Variants in TMEM201 observed in about 807,000 individuals in gnomAD.
TMEM201 encodes the protein RP13-15M17.2.
In TMEM201, 26 loss-of-function variants were observed where a neutral mutation model predicts 63.4. The observed-to-expected ratio is 0.41, with a 90% confidence interval of 0.30 to 0.57. The LOEUF (loss-of-function observed/expected upper bound fraction) is 0.57, where lower values mean the gene tolerates loss of function less well. Among genes scored for constraint, TMEM201 ranks in the 20% least tolerant of loss-of-function variants. The pLI, the probability that TMEM201 is intolerant of heterozygous loss-of-function variation, is 0.29. For synonymous variants in TMEM201, 417 were observed against 421.6 expected (o/e 0.99, Z 0.14); for missense variants, 794 against 917.7 (o/e 0.87, Z 1.74).
chr1:9,589,118 T>G, intron 1 of TMEM201, 75 bp downstream of exon 1: 1 of 676,880 alleles, frequency 1.5e-6, no homozygotes, highest in Non-Finnish European at 1.8e-6. Flanking sequence ...CCCGGCCCGC[T>G]GCCCCCCTCG....
chr1:9,601,831 C>T (rs907838540), intron 5 of TMEM201, among the ~76,000 whole-genome samples: 2 of 152,192 alleles, frequency 1.3e-5, no homozygotes, highest in African/African-American at 4.8e-5. Flanking sequence ...TGCTCACCGA[C>T]TCGGAGGAAT....
intron 9 of TMEM201, chr1:9,611,191 T>A (rs1214817514): frequency 4.9e-6 from 3 of 609,672 alleles, no homozygotes; most frequent in Admixed American, 4.3e-5. Context: ...CATGAATTTG[T>A]AGATTTCCTT....
Position 9,609,829 on chromosome 1 carries a change from T to C in TMEM201, c.1394-11T>C. The C allele has an allele frequency of 1.9e-6, 3 of 1,551,276 alleles. No individual in the cohort carries two copies. Among genetic ancestry groups the C allele is most frequent in the Non-Finnish European group, 2.6e-6 (3 of 1,146,886 alleles). ...AGGCCTGACGTGTCGCCCGCTTCTC[T>C]CTGTCTCCAGACTCCGGCTATCTGT... On this transcript the variant is annotated splice_polypyrimidine_tract_variant and intron_variant, in intron 7 of 10. Coordinates refer to ENST00000340381, the MANE Select transcript of TMEM201 (RefSeq NM_001130924.3).
At chr1:9,597,130 A>G in intron 3 of TMEM201, 77 bp downstream of exon 3, 3 of 1,494,394 alleles carry the variant, frequency 2.0e-6, no homozygotes, top group Non-Finnish European at 2.7e-6. Flanking sequence ...AGGCACGTGC[A>G]GGGTGCTGAC....
At position 9,598,574 on chromosome 1, in the gene TMEM201, G is replaced by A. The variant is rs1326038248; in HGVS notation, c.555G>A (p.Leu185=). 4.3e-6 allele frequency: 7 copies of A among 1,613,504 alleles called. No homozygotes were observed. In the East Asian group the frequency reaches 6.7e-5, roughly 15 times the overall value. The change falls in exon 4 of 11, where the codon CTG becomes CTA. Residue 185 remains leucine (L), a synonymous_variant. Transcript: ENST00000340381. ...IKHQNRQLRA[L]LLSHQFKRRE... is the part of the protein sequence containing the mutation. ...ACCAGAACCGCCAGCTGCGCGCCCT[G>A]TTGCTCAGCCACCAGTTCAAGCGCC...
At chr1:9,595,743 G>T in intron 1 of TMEM201, 147 bp from the exon 2 acceptor site, 1 of 1,168,702 alleles carries the variant, frequency 8.6e-7, no homozygotes, top group Non-Finnish European at 1.2e-6. Context: ...TGCTGTTCTG[G>T]GGCCAGCATC....
At position 9,610,922 on chromosome 1, in the gene TMEM201, C is replaced by T; in HGVS notation, c.1765+117C>T. ...CTGACTCCGGTGTGCGCCTTCCCAC[C>T]CTGGAGCTCTAGGCACCCCATTCCG... On this transcript the variant is annotated intron_variant, in intron 9 of 10. Transcript: ENST00000340381. This position sits in a 1 kb window ranked among gnomAD's most constrained non-coding sequence, Gnocchi z 4.9. 6 of 1,490,438 alleles carry T rather than the reference C, an allele frequency of 4.0e-6. No homozygotes were observed. In the South Asian group the frequency reaches 7.4e-5, roughly 18 times the overall value. 92.3% of individuals were successfully genotyped at this position (1,490,438 alleles called of 1,614,324 possible). A position where few individuals can be genotyped will look rare whatever the true frequency, so the allele number is the denominator to read the frequency against.
chr1:9,600,347 G>C (rs1644113637), intron 4 of TMEM201, among the ~76,000 whole-genome samples: 1 of 152,164 alleles, frequency 6.6e-6, no homozygotes, highest in South Asian at 2.1e-4. Flanking sequence ...CCCTGTGCAA[G>C]TTTCTCAGCT....
At chr1:9,606,733 A>G (rs1408503674) in intron 6 of TMEM201, 1 of 152,336 alleles carries the variant, frequency 6.6e-6, no homozygotes, top group East Asian at 1.9e-4. Flanking sequence ...TGCCTTAATC[A>G]GAAGCATGGT....
Position 9,605,989 on chromosome 1 carries a change from G to A in TMEM201, c.1161-1568G>A, listed in dbSNP as rs1360484540. Among the ~76,000 whole-genome samples, 1 of 152,128 alleles carries A rather than the reference G, an allele frequency of 6.6e-6. No individual in the cohort carries two copies. Among genetic ancestry groups the A allele is most frequent in the East Asian group, 1.9e-4 (1 of 5,186 alleles). ...TATGTCTGTGCTGCCGGGCAGGGTGGGCACAGGAAGCCTAGCGCAGAGCCC... is the reference window on the plus strand; with the variant it reads ...TATGTCTGTGCTGCCGGGCAGGGTGAGCACAGGAAGCCTAGCGCAGAGCCC... On this transcript the variant is annotated intron_variant, in intron 6 of 10. Transcript: ENST00000340381. This position sits in a 1 kb window ranked among gnomAD's most constrained non-coding sequence, Gnocchi z 5.7.
At chr1:9,592,819 G>A (rs1423276419) in intron 1 of TMEM201, among the ~76,000 whole-genome samples, 2 of 152,134 alleles carry the variant, frequency 1.3e-5, no homozygotes, top group African/African-American at 2.4e-5. Flanking sequence ...GCTCGGCATC[G>A]AGCTAGCAGG....
chr1:9,602,536 G>A, intron 6 of TMEM201: 2 of 1,379,174 alleles, frequency 1.5e-6, no homozygotes, highest in Non-Finnish European at 9.4e-7. Flanking sequence ...TCTGGCCAAT[G>A]GCCCTTTCAC....
rs1256756127 is a variant in TMEM201 at position 9,608,352 on chromosome 1, G to T, written c.1393+563G>T. Among the ~76,000 whole-genome samples, 1 of 152,198 alleles carries T rather than the reference G, an allele frequency of 6.6e-6. No homozygotes were observed. The highest frequency in any genetic ancestry group is 6.5e-5 in the Admixed American group (1 of 15,282). On this transcript the variant is annotated intron_variant, in intron 7 of 10. Coordinates refer to ENST00000340381, the MANE Select transcript of TMEM201 (RefSeq NM_001130924.3). The surrounding 1 kb of genome is among the most constrained non-coding windows in gnomAD (Gnocchi z 4.3). ...TGGGTAAATGTGTGCACCGTGCTGT[G>T]CCCTAATCTTTTCCTCTAAAATTGC... is the stretch of plus-strand genomic sequence containing the variant.
chr1:9,600,022 C>T (rs527400243), intron 4 of TMEM201, among the ~76,000 whole-genome samples: 2 of 152,234 alleles, frequency 1.3e-5, no homozygotes, highest in Admixed American at 6.5e-5. Flanking sequence ...AACCAAAGGC[C>T]CCAGGAGAGG....
At chr1:9,599,819 CA>C (rs948158435) in intron 4 of TMEM201, among the ~76,000 whole-genome samples, 1 of 149,854 alleles carries the variant, frequency 6.7e-6, no homozygotes, top group African/African-American at 2.5e-5. Flanking sequence ...ACCGTGGTCT[CA>C]ATCTCCTGAG....
chr1:9,589,911 G>T (rs930980747), intron 1 of TMEM201, among the ~76,000 whole-genome samples: 2 of 152,238 alleles, frequency 1.3e-5, no homozygotes, highest in Non-Finnish European at 1.5e-5. Context: ...GGAAAAAGGG[G>T]AGAAGGGACT....
intron 1 of TMEM201, among the ~76,000 whole-genome samples, 170 bp downstream of exon 1, chr1:9,589,213 G>A (rs1643879854): frequency 6.6e-6 from 1 of 151,054 alleles, no homozygotes; most frequent in South Asian, 2.1e-4. Flanking sequence ...CTGCAGTCGG[G>A]AAGCGGCTGC....
rs548041436 is a variant in TMEM201 at position 9,607,478 on chromosome 1, G to C, written c.1161-79G>C. 142 of 1,139,054 alleles carry C rather than the reference G, an allele frequency of 1.2e-4. 3 individuals are homozygous for C. In the South Asian group the frequency reaches 2.0e-3, roughly 16 times the overall value. The allele number at this position is 1,139,054 out of a possible 1,614,324, so 70.6% of individuals were successfully genotyped here. A position where few individuals can be genotyped will look rare whatever the true frequency, so the allele number is the denominator to read the frequency against. ...GCCCCCACCTTGCACTGTGGGAGAG[G>C]GGTGGGACCCACTGCAAGGCTGCCT... On this transcript the variant is annotated intron_variant, in intron 6 of 10. Coordinates refer to ENST00000340381, the MANE Select transcript of TMEM201 (RefSeq NM_001130924.3). This position sits in a 1 kb window ranked among gnomAD's most constrained non-coding sequence, Gnocchi z 5.4.
At chr1:9,602,943 A>G in intron 6 of TMEM201, 3 of 985,594 alleles carry the variant, frequency 3.0e-6, no homozygotes, top group Non-Finnish European at 3.6e-6. Flanking sequence ...GAGTCCCCGG[A>G]AATGGAGAGT....
Sources: gnomAD v4.1 joint callset for allele counts (sites outside exome capture counted in the v4.1 genomes callset) on GRCh38, gnomAD v4.1.1 for gene constraint, Gnocchi (gnomAD v3.1) non-coding constraint, MANE v1.5 for transcripts, NCBI Gene and HGNC (gene_info 2026-07-23, HGNC 2026-07-21) for gene names.